Variants in LMBR1 observed in about 807,000 individuals in gnomAD.
LMBR1 encodes the protein limb region 1 protein homolog.
A neutral mutation model predicts 73.9 loss-of-function variants in LMBR1; 52 were observed. The ratio of observed to expected loss-of-function variants is 0.70; its 90% CI spans 0.56 to 0.89. The LOEUF (loss-of-function observed/expected upper bound fraction) is 0.89, where lower values mean the gene tolerates loss of function less well. Among genes scored for constraint, LMBR1 ranks in the 40% least tolerant of loss-of-function variants. The pLI is 0.00. For synonymous variants in LMBR1, 215 were observed against 209.4 expected (o/e 1.03, Z -0.23); for missense variants, 539 against 579.8 (o/e 0.93, Z 0.72).
chr7:156,823,156 A>G (rs1193170514), intron 4 of LMBR1: 2 of 150,944 alleles, frequency 1.3e-5, no homozygotes, highest in African/African-American at 4.8e-5. Flanking sequence ...ATAAAATGAT[A>G]TATGTATTAG....
In LMBR1 at chr7:156,702,503, T is replaced by C. The variant is rs537849542; in HGVS notation, c.1226-14312A>G. On this transcript the variant is annotated intron_variant, in intron 15 of 16. Transcript: ENST00000353442. ...TTTCTTGTAAATTTATCTAAGTTCC[T>C]TGTAGATTCTGGATATTAGACCTTT... Among the ~76,000 whole-genome samples, 38 of 151,952 alleles carry C rather than the reference T, an allele frequency of 2.5e-4. No homozygotes were observed. In the South Asian group the frequency reaches 7.9e-3, roughly 32 times the overall value.
chr7:156,841,456 G>C (rs2133974014), intron 1 of LMBR1, among the ~76,000 whole-genome samples: 1 of 152,222 alleles, frequency 6.6e-6, no homozygotes, highest in East Asian at 1.9e-4. Context: ...CCAGAGAAGA[G>C]AAGTCTGAGA....
intron 3 of LMBR1, among the ~76,000 whole-genome samples, chr7:156,832,235 T>C (rs1836819651): frequency 6.6e-6 from 1 of 152,242 alleles, no homozygotes; most frequent in South Asian, 2.1e-4. Flanking sequence ...TCACAATCCA[T>C]TTATATTCAT....
chr7:156,772,761 T>C (rs561119414), intron 5 of LMBR1, among the ~76,000 whole-genome samples: 7 of 151,062 alleles, frequency 4.6e-5, no homozygotes, highest in African/African-American at 7.3e-5. Flanking sequence ...GGCAGGAGAA[T>C]AGCTTGAACC....
chr7:156,690,699 T>G (rs930425996), intron 15 of LMBR1, among the ~76,000 whole-genome samples: 2 of 151,976 alleles, frequency 1.3e-5, no homozygotes, highest in Non-Finnish European at 2.9e-5. Context: ...GTTGCTATAG[T>G]GCACCGAAGA....
At position 156,679,254 on chromosome 7, in the gene LMBR1, GC is replaced by G. The variant is rs1368387144; in HGVS notation, c.*4823del. On this transcript the variant is annotated 3_prime_UTR_variant, in exon 17 of 17. Coordinates refer to ENST00000353442, the MANE Select transcript of LMBR1 (RefSeq NM_022458.4). ...CTCGACCCTCCACACCACGCCCCAG[GC>G]CCCTCTCACCACCCCTGCTTCCAAG... The G allele has an allele frequency of 6.6e-6, 1 of 152,158 alleles. No individual in the cohort carries two copies. Among genetic ancestry groups the G allele is most frequent in the Admixed American group, 6.5e-5 (1 of 15,276 alleles). 9.4% of individuals were successfully genotyped at this position (152,158 alleles called of 1,614,324 possible).
intron 8 of LMBR1, among the ~76,000 whole-genome samples, chr7:156,759,556 T>C (rs1822577754): frequency 6.6e-6 from 1 of 152,226 alleles, no homozygotes; most frequent in African/African-American, 2.4e-5. Context: ...GTGTAAAATA[T>C]AGTGTTTATT....
intron 1 of LMBR1, among the ~76,000 whole-genome samples, chr7:156,849,433 C>T (rs887595565): frequency 4.0e-4 from 61 of 152,100 alleles, no homozygotes; most frequent in African/African-American, 1.1e-3. Flanking sequence ...ATAATCTGTA[C>T]ACCAAACCCC....
intron 5 of LMBR1, among the ~76,000 whole-genome samples, chr7:156,765,495 G>A (rs776118684): frequency 1.3e-5 from 2 of 152,130 alleles, no homozygotes; most frequent in Non-Finnish European, 2.9e-5. Flanking sequence ...AAATTACCCA[G>A]TCTCAGGTAT....
intron 15 of LMBR1, among the ~76,000 whole-genome samples, chr7:156,703,203 T>C (rs746717190): frequency 2.0e-5 from 3 of 152,212 alleles, no homozygotes; most frequent in Non-Finnish European, 4.4e-5. Flanking sequence ...TTCTTGATCT[T>C]AGCTGCTCAA....
intron 4 of LMBR1, chr7:156,823,539 G>A (rs904746518): frequency 6.6e-6 from 1 of 152,178 alleles, no homozygotes; most frequent in African/African-American, 2.4e-5. Flanking sequence ...AGGACAGGGT[G>A]GGTTTGGTGC....
At chr7:156,688,576 C>T (rs1254916584) in intron 15 of LMBR1, among the ~76,000 whole-genome samples, 2 of 151,920 alleles carry the variant, frequency 1.3e-5, no homozygotes, top group African/African-American at 2.4e-5. Flanking sequence ...GCAAGAGTCA[C>T]GATGAAAAAG....
intron 1 of LMBR1, among the ~76,000 whole-genome samples, chr7:156,879,588 C>T (rs1317729204): frequency 4.1e-5 from 6 of 147,342 alleles, no homozygotes; most frequent in African/African-American, 7.6e-5. Flanking sequence ...GGCGTGAACC[C>T]GAGAGGTGGA....
At position 156,836,900 on chromosome 7, in the gene LMBR1, A is replaced by C; in HGVS notation, c.67-15T>G. The C allele has an allele frequency of 6.6e-7, 1 of 1,512,302 alleles. No homozygotes were observed. Among genetic ancestry groups the C allele is most frequent in the Non-Finnish European group, 9.0e-7 (1 of 1,110,888 alleles). 93.7% of individuals were successfully genotyped at this position (1,512,302 alleles called of 1,614,324 possible). ...AGGAAACATATCTGAAACAAAACGA[A>C]GTTAACAGATCATTTACTTTTTTGC... On this transcript the variant is annotated splice_polypyrimidine_tract_variant and intron_variant, in intron 1 of 16. Transcript: ENST00000353442.
chr7:156,866,871 G>C (rs1048241469), intron 1 of LMBR1, among the ~76,000 whole-genome samples: 1 of 152,094 alleles, frequency 6.6e-6, no homozygotes, highest in Non-Finnish European at 1.5e-5. Context: ...CAAAGTGCTG[G>C]GATTACAGGC....
chr7:156,776,973 C>A (rs960028529), intron 5 of LMBR1, among the ~76,000 whole-genome samples: 7 of 151,776 alleles, frequency 4.6e-5, no homozygotes, highest in Non-Finnish European at 1.0e-4. Context: ...CGCCTGTCGC[C>A]CAGGCTGGAG....
intron 4 of LMBR1, among the ~76,000 whole-genome samples, chr7:156,810,082 G>A (rs947625833): frequency 7.2e-5 from 11 of 151,972 alleles, no homozygotes; most frequent in South Asian, 4.2e-4. Context: ...AAAAAAAAGA[G>A]AGAGATTTAT....
intron 5 of LMBR1, among the ~76,000 whole-genome samples, chr7:156,777,330 T>C (rs190539345): frequency 6.6e-6 from 1 of 152,342 alleles, no homozygotes; most frequent in East Asian, 1.9e-4. Flanking sequence ...TCTACCTCAG[T>C]AGGACACAGC....
intron 15 of LMBR1, among the ~76,000 whole-genome samples, chr7:156,721,516 A>C (rs547778410): frequency 1.7e-4 from 26 of 152,118 alleles, no homozygotes; most frequent in Non-Finnish European, 3.2e-4. Context: ...TCACCCTGAG[A>C]GTCTATTAAA....
Sources: gnomAD v4.1 joint callset for allele counts (sites outside exome capture counted in the v4.1 genomes callset) on GRCh38, gnomAD v4.1.1 for gene constraint, MANE v1.5 for transcripts, NCBI Gene and HGNC (gene_info 2026-07-23, HGNC 2026-07-21) for gene names.